Variants in ESR1 observed in about 807,000 individuals in gnomAD.
ESR1 encodes the protein estrogen receptor.
In ESR1, 12 loss-of-function variants were observed where a neutral mutation model predicts 52.7. That is an observed-to-expected ratio of 0.23 (90% CI 0.15 to 0.37). ESR1 has a LOEUF of 0.37. ESR1 is among the 10% of genes least tolerant of loss of function. The pLI is 1.00. For missense variants in ESR1, 584 were observed against 779.7 expected (o/e 0.75, Z 2.99); for synonymous variants, 305 against 316.8 (o/e 0.96, Z 0.39).
chr6:151,803,197 T>G (rs949358082), upstream of ESR1, among the ~76,000 whole-genome samples: 9 of 152,182 alleles, frequency 5.9e-5, no homozygotes, highest in African/African-American at 2.2e-4. Context: ...AAGGAGCTTA[T>G]GAGCAGCATG....
intron 2 of ESR1, among the ~76,000 whole-genome samples, chr6:151,729,362 G>C (rs1362582029): frequency 1.3e-5 from 2 of 152,170 alleles, no homozygotes; most frequent in Admixed American, 6.5e-5. Flanking sequence ...AAGCCACCTA[G>C]TCTATAGTGT....
At chr6:151,924,587 C>T (rs2032341335) in intron 3 of ESR1, among the ~76,000 whole-genome samples, 1 of 152,026 alleles carries the variant, frequency 6.6e-6, no homozygotes, top group Non-Finnish European at 1.5e-5. Flanking sequence ...TCCCCACTCC[C>T]ACTCTGTTCC....
chr6:151,940,171 G>C (rs1419811202), intron 3 of ESR1, among the ~76,000 whole-genome samples: 1 of 152,080 alleles, frequency 6.6e-6, no homozygotes, highest in Non-Finnish European at 1.5e-5. Flanking sequence ...ATATGCAAGG[G>C]AACTGCCCTG....
chr6:151,847,553 T>TGTTCATGTCCTTCGCCC (rs1186692319), intron 2 of ESR1, among the ~76,000 whole-genome samples: 3 of 143,660 alleles, frequency 2.1e-5, no homozygotes, highest in Non-Finnish European at 3.0e-5. Context: ...GAGAAGTGTC[T>TGTTCATGTCCTTCGCCC]GTTCATGTCC....
intron 2 of ESR1, among the ~76,000 whole-genome samples, chr6:151,851,407 C>G (rs986849457): frequency 3.3e-5 from 5 of 151,830 alleles, no homozygotes; most frequent in African/African-American, 9.7e-5. Context: ...AGGTGAGGGC[C>G]CAATATTCTC....
intron 4 of ESR1, among the ~76,000 whole-genome samples, chr6:152,006,066 A>G (rs958381545): frequency 6.6e-6 from 1 of 152,144 alleles, no homozygotes; most frequent in Non-Finnish European, 1.5e-5. Context: ...CAAAACCAGA[A>G]TAGTCACAGT....
chr6:151,711,145 G>A (rs1046234925), intron 2 of ESR1, among the ~76,000 whole-genome samples: 3 of 151,942 alleles, frequency 2.0e-5, no homozygotes, highest in African/African-American at 7.2e-5. Flanking sequence ...CACAATGGTT[G>A]AACTAATTTA....
rs116253150 is a variant in ESR1 at position 152,018,153 on chromosome 6, G to A, written c.1235+6359G>A. On this transcript the variant is annotated intron_variant, in intron 5 of 7. Coordinates refer to ENST00000206249, the MANE Select transcript of ESR1 (RefSeq NM_000125.4). ...ATTCTCCTCCTTAAGAGAAAAACAGGTTGCTGCACCAGAAAGAACATTTGC... is the reference window on the plus strand; with the variant it reads ...ATTCTCCTCCTTAAGAGAAAAACAGATTGCTGCACCAGAAAGAACATTTGC... 8.0e-4 allele frequency among the ~76,000 whole-genome samples: 122 copies of A among 151,998 alleles called. 1 individual carries two copies. Among genetic ancestry groups the A allele is most frequent in the African/African-American group, 2.8e-3 (118 of 41,458 alleles).
intron 1 of ESR1, among the ~76,000 whole-genome samples, chr6:151,677,097 T>G (rs2115277288): frequency 6.6e-6 from 1 of 152,328 alleles, no homozygotes; most frequent in East Asian, 1.9e-4. Flanking sequence ...GGGATCCTCC[T>G]GCCTCAGCCT....
At chr6:151,832,450 C>T (rs1299828604) in intron 1 of ESR1, among the ~76,000 whole-genome samples, 1 of 152,154 alleles carries the variant, frequency 6.6e-6, no homozygotes, top group African/African-American at 2.4e-5. Context: ...TAGAAATACC[C>T]AGGAGGTATG....
chr6:151,898,940 C>T (rs1392433404), intron 3 of ESR1, among the ~76,000 whole-genome samples: 18 of 151,858 alleles, frequency 1.2e-4, no homozygotes, highest in East Asian at 1.9e-4. Context: ...GGGTGGTGGC[C>T]GGGCAGAGCG....
chr6:151,755,802 T>TTAGTAGCGAA (rs1562380563), intron 2 of ESR1, among the ~76,000 whole-genome samples: 2 of 152,252 alleles, frequency 1.3e-5, no homozygotes, highest in Non-Finnish European at 2.9e-5. Flanking sequence ...AGCTACTTTT[T>TTAGTAGCGAA]GTATTTTTAG....
At chr6:151,776,319 T>A (rs1034766238) in intron 2 of ESR1, among the ~76,000 whole-genome samples, 2 of 152,098 alleles carry the variant, frequency 1.3e-5, no homozygotes, top group Non-Finnish European at 2.9e-5. Flanking sequence ...TAGGAGGGAT[T>A]TGTGGGGCAA....
At chr6:152,033,862 C>T (rs2044995809) in intron 5 of ESR1, among the ~76,000 whole-genome samples, 1 of 152,128 alleles carries the variant, frequency 6.6e-6, no homozygotes, top group African/African-American at 2.4e-5. Flanking sequence ...TATTGCAGCA[C>T]TATTCACAAT....
intron 2 of ESR1, among the ~76,000 whole-genome samples, chr6:151,734,873 C>T (rs563433545): frequency 3.3e-5 from 5 of 152,174 alleles, no homozygotes; most frequent in African/African-American, 9.6e-5. Context: ...CTGCCTGCCT[C>T]GGCCTTCCAA....
At chr6:152,025,057 T>A (rs1201177293) in intron 5 of ESR1, among the ~76,000 whole-genome samples, 1 of 60,502 alleles carries the variant, frequency 1.7e-5, no homozygotes, top group Non-Finnish European at 2.9e-5. Flanking sequence ...TTCCTTATTC[T>A]TGAATATTCA....
intron 1 of ESR1, among the ~76,000 whole-genome samples, chr6:151,834,872 T>C (rs1471423822): frequency 6.6e-6 from 1 of 151,908 alleles, no homozygotes; most frequent in African/African-American, 2.4e-5. Flanking sequence ...GGAAGGAGTG[T>C]GGGCAGGCAA....
At chr6:152,093,253 C>A (rs568594661) in intron 6 of ESR1, among the ~76,000 whole-genome samples, 12 of 147,766 alleles carry the variant, frequency 8.1e-5, no homozygotes, top group Non-Finnish European at 1.3e-4. Context: ...CCAGCCTGGG[C>A]GGCAGAGTGA....
intron 2 of ESR1, among the ~76,000 whole-genome samples, chr6:151,799,160 G>C (rs1776991581): frequency 6.6e-6 from 1 of 152,218 alleles, no homozygotes; most frequent in South Asian, 2.1e-4. Context: ...CATCTACCCA[G>C]AGAGGCTGAG....
Sources: gnomAD v4.1 joint callset for allele counts (sites outside exome capture counted in the v4.1 genomes callset) on GRCh38, gnomAD v4.1.1 for gene constraint, MANE v1.5 for transcripts, NCBI Gene and HGNC (gene_info 2026-07-23, HGNC 2026-07-21) for gene names.